RYR2: variants seen among roughly 807,000 people sequenced by gnomAD.
RYR2 encodes the protein cardiac muscle ryanodine receptor-calcium release channel.
In RYR2, 227 loss-of-function variants were observed where a neutral mutation model predicts 601.1. That is an observed-to-expected ratio of 0.38 (90% CI 0.34 to 0.42). The LOEUF (loss-of-function observed/expected upper bound fraction) is 0.42, where lower values mean the gene tolerates loss of function less well. Among genes scored for constraint, RYR2 ranks in the 10% least tolerant of loss-of-function variants. RYR2 has a pLI of 1.00. For synonymous variants in RYR2, 2,223 were observed against 2,175.1 expected (o/e 1.02, Z -0.61); for missense variants, 4,646 against 6,156.5 (o/e 0.75, Z 8.21).
intron 1 of RYR2, among the ~76,000 whole-genome samples, chr1:237,079,839 G>T (rs1184243058): frequency 7.5e-6 from 1 of 132,760 alleles, no homozygotes; most frequent in Non-Finnish European, 1.5e-5. Flanking sequence ...TAAGCCAAAA[G>T]AACAAAGCTG....
At chr1:237,436,548 G>A (rs746927374) in intron 12 of RYR2, among the ~76,000 whole-genome samples, 16 of 140,092 alleles carry the variant, frequency 1.1e-4, no homozygotes, top group East Asian at 2.3e-4. Context: ...CTCTTACCAC[G>A]TAACATTTTT....
At chr1:237,536,778 A>C (rs111948529) in intron 25 of RYR2, among the ~76,000 whole-genome samples, 141 of 127,814 alleles carry the variant, frequency 1.1e-3, no homozygotes, top group African/African-American at 3.7e-3. Context: ...CCCAGCTACT[A>C]GGGAGGCTGA....
intron 35 of RYR2, among the ~76,000 whole-genome samples, chr1:237,607,887 G>C (rs1024205959): frequency 6.6e-6 from 1 of 152,130 alleles, no homozygotes; most frequent in Non-Finnish European, 1.5e-5. Flanking sequence ...TCTATAAAAT[G>C]GGGTTCACAG....
At chr1:237,511,612 C>T (rs4440842) in intron 23 of RYR2, 76 bp from the exon 24 acceptor site, 1 of 1,178,412 alleles carries the variant, frequency 8.5e-7, no homozygotes, top group Admixed American at 2.0e-5. Context: ...CCTCCACTTT[C>T]TACCACACAG....
chr1:237,224,290 A>G (rs1471818697), intron 1 of RYR2, among the ~76,000 whole-genome samples: 6 of 152,176 alleles, frequency 3.9e-5, no homozygotes, highest in Non-Finnish European at 8.8e-5. Context: ...ATATATGTAG[A>G]TCTTAGTCTA....
At chr1:237,303,651 A>C (rs533483721) in intron 2 of RYR2, among the ~76,000 whole-genome samples, 176 of 152,262 alleles carry the variant, frequency 1.2e-3, no homozygotes, top group Non-Finnish European at 1.4e-3. Flanking sequence ...ATACTACCTG[A>C]AAACCTTGTG....
intron 1 of RYR2, among the ~76,000 whole-genome samples, chr1:237,223,549 G>T: frequency 6.6e-6 from 1 of 152,186 alleles, no homozygotes; most frequent in Non-Finnish European, 1.5e-5. Flanking sequence ...ACTGTAGGCA[G>T]ATTTGGTCAA....
At chr1:237,667,409 A>G (rs760016031) in intron 57 of RYR2, among the ~76,000 whole-genome samples, 9 of 152,220 alleles carry the variant, frequency 5.9e-5, no homozygotes, top group Non-Finnish European at 7.3e-5. Context: ...TAATCTTATC[A>G]AAACCCAAAA....
chr1:237,707,482 A>G (rs1283422430), intron 68 of RYR2, among the ~76,000 whole-genome samples: 1 of 152,190 alleles, frequency 6.6e-6, no homozygotes, highest in East Asian at 1.9e-4. Flanking sequence ...CATTTTTCTG[A>G]CTTGTCAATC....
chr1:237,452,747 C>T (rs1658354317), intron 14 of RYR2, among the ~76,000 whole-genome samples: 1 of 151,136 alleles, frequency 6.6e-6, no homozygotes, highest in Admixed American at 6.6e-5. Flanking sequence ...ATTCTACTAT[C>T]TTTGGATTTC....
intron 2 of RYR2, among the ~76,000 whole-genome samples, chr1:237,284,380 CA>C (rs112378780): frequency 0.49 from 61,829 of 126,882 alleles, 15,452 homozygotes; most frequent in East Asian, 0.76. Context: ...GACTCCATCT[CA>C]AAAAAAAAAA....
intron 1 of RYR2, among the ~76,000 whole-genome samples, chr1:237,113,833 T>G (rs1489708608): frequency 6.6e-6 from 1 of 152,222 alleles, no homozygotes; most frequent in Non-Finnish European, 1.5e-5. Flanking sequence ...GAGTGCAGTA[T>G]TTTTAAAGAT....
intron 2 of RYR2, among the ~76,000 whole-genome samples, chr1:237,281,292 A>G (rs1690840477): frequency 6.6e-6 from 1 of 152,198 alleles, no homozygotes. Context: ...ACGCCTTATG[A>G]TGTGAACTAA....
chr1:237,434,910 G>A (rs1707189764), intron 12 of RYR2, among the ~76,000 whole-genome samples: 1 of 151,940 alleles, frequency 6.6e-6, no homozygotes, highest in Admixed American at 6.6e-5. Context: ...CAAGTAGCTG[G>A]GACTATAGGC....
At chr1:237,716,707 A>G in intron 71 of RYR2, among the ~76,000 whole-genome samples, 1 of 152,000 alleles carries the variant, frequency 6.6e-6, no homozygotes, top group East Asian at 1.9e-4. Flanking sequence ...AAGTTTGCAG[A>G]CTGTATAAAA....
At chr1:237,724,219 G>T (rs1043794799) in intron 74 of RYR2, among the ~76,000 whole-genome samples, 1 of 126,404 alleles carries the variant, frequency 7.9e-6, no homozygotes, top group African/African-American at 3.0e-5. Flanking sequence ...ATATATATAT[G>T]TATGTGTGAT....
intron 1 of RYR2, among the ~76,000 whole-genome samples, chr1:237,047,989 G>C (rs1218450489): frequency 6.6e-6 from 1 of 152,156 alleles, no homozygotes; most frequent in Non-Finnish European, 1.5e-5. Flanking sequence ...TTTTGTAGGA[G>C]AAACCCACCG....
At chr1:237,207,924 A>T (rs1681999146) in intron 1 of RYR2, among the ~76,000 whole-genome samples, 1 of 152,172 alleles carries the variant, frequency 6.6e-6, no homozygotes, top group Non-Finnish European at 1.5e-5. Flanking sequence ...CTTGTTTTTC[A>T]CCTTAGGTGG....
At chr1:237,357,020 G>C (rs1181530702) in intron 4 of RYR2, among the ~76,000 whole-genome samples, 1 of 151,792 alleles carries the variant, frequency 6.6e-6, no homozygotes, top group Non-Finnish European at 1.5e-5. Flanking sequence ...CCTTTCAGTA[G>C]TGTTTTCCAA....
Sources: allele counts gnomAD v4.1 joint callset (sites outside exome capture counted in the v4.1 genomes callset), GRCh38; gene constraint gnomAD v4.1.1; transcripts MANE v1.5; gene names NCBI Gene and HGNC (gene_info 2026-07-23, HGNC 2026-07-21).